RSU1: variants seen among roughly 807,000 people sequenced by gnomAD.
RSU1 encodes the protein Ras suppressor protein 1, also known as rsu-1.
A neutral mutation model predicts 31.1 loss-of-function variants in RSU1; 26 were observed. The ratio of observed to expected loss-of-function variants is 0.84; its 90% CI spans 0.61 to 1.16. The LOEUF (loss-of-function observed/expected upper bound fraction) is 1.16. Among genes scored for constraint, RSU1 ranks in the 50% most tolerant of loss-of-function variants. RSU1 has a pLI of 0.00. For missense variants in RSU1, 320 were observed against 339.1 expected, an observed-to-expected ratio of 0.94 and a Z score of 0.44; for synonymous variants, 164 against 136.3, an observed-to-expected ratio of 1.20 and a Z score of -1.41.
At chr10:16,817,238 A>G in intron 1 of RSU1, 77 bp downstream of exon 1, 5 of 388,348 alleles carry the variant, frequency 1.3e-5, no homozygotes, top group Admixed American at 5.1e-5. Flanking sequence ...CGGGGAGGGG[A>G]TGGAGTGGGA....
intron 8 of RSU1, among the ~76,000 whole-genome samples, chr10:16,622,401 G>A (rs928254085): frequency 6.6e-6 from 1 of 152,142 alleles, no homozygotes; most frequent in Non-Finnish European, 1.5e-5. Context: ...TTAGGGAAGC[G>A]TTCTAAAGAG....
chr10:16,804,674 G>A (rs558660872), intron 2 of RSU1, among the ~76,000 whole-genome samples: 6 of 152,250 alleles, frequency 3.9e-5, no homozygotes, highest in Admixed American at 1.3e-4. Context: ...AAGACATGGC[G>A]GAATCTTAAA....
chr10:16,696,597 C>T (rs193000781), intron 7 of RSU1, among the ~76,000 whole-genome samples: 10 of 152,296 alleles, frequency 6.6e-5, no homozygotes, highest in Non-Finnish European at 1.3e-4. Flanking sequence ...TTTGTTGGCG[C>T]TTGGTACAAA....
intron 8 of RSU1, among the ~76,000 whole-genome samples, chr10:16,645,885 TACATATATGTATATAC>T (rs1166629148): frequency 1.0e-5 from 1 of 98,664 alleles, no homozygotes; most frequent in Non-Finnish European, 1.9e-5. Context: ...TATGTGTATA[TACATATATGTATATAC>T]ACATATATGT....
At chr10:16,654,953 A>C (rs2131519650) in intron 8 of RSU1, among the ~76,000 whole-genome samples, 1 of 150,416 alleles carries the variant, frequency 6.6e-6, no homozygotes, top group Admixed American at 6.6e-5. Flanking sequence ...AGCCCTAGCT[A>C]CTCAGGAGGC....
chr10:16,668,215 A>G (rs1835037081), intron 8 of RSU1, among the ~76,000 whole-genome samples: 1 of 152,196 alleles, frequency 6.6e-6, no homozygotes, highest in Non-Finnish European at 1.5e-5. Flanking sequence ...GTATTCAATG[A>G]ACATTAGATG....
intron 8 of RSU1, among the ~76,000 whole-genome samples, chr10:16,693,108 G>C (rs1271206802): frequency 2.0e-5 from 3 of 152,128 alleles, no homozygotes; most frequent in African/African-American, 7.2e-5. Context: ...GATTACAGGT[G>C]CCCCTCCACC....
chr10:16,627,759 A>G (rs1346478780), intron 8 of RSU1, among the ~76,000 whole-genome samples: 7 of 138,320 alleles, frequency 5.1e-5, no homozygotes, highest in African/African-American at 8.4e-5. Context: ...CTCCATCTCA[A>G]TACAAAAAAA....
chr10:16,604,601 T>C (rs1833770507), intron 8 of RSU1, among the ~76,000 whole-genome samples: 2 of 152,156 alleles, frequency 1.3e-5, no homozygotes, highest in Non-Finnish European at 2.9e-5. Context: ...CCCATCACTA[T>C]TCACTCTGCC....
At chr10:16,724,575 A>G (rs1588495145) in intron 7 of RSU1, among the ~76,000 whole-genome samples, 1 of 152,238 alleles carries the variant, frequency 6.6e-6, no homozygotes, top group East Asian at 1.9e-4. Flanking sequence ...AGCAGTGGGT[A>G]TCCCCAGAGA....
chr10:16,675,200 CAAAAAAAAA>C (rs4012468), intron 8 of RSU1, among the ~76,000 whole-genome samples: 2 of 95,506 alleles, frequency 2.1e-5, no homozygotes, highest in East Asian at 5.3e-4. Context: ...GACTCTGTCT[CAAAAAAAAA>C]AAAAAAAAGA....
rs570243450 is a variant in RSU1 at position 16,794,276 on chromosome 10, G to T, written c.110-12192C>A. Among the ~76,000 whole-genome samples the T allele has an allele frequency of 1.7e-4, 26 of 152,210 alleles. 1 individual carries two copies. The East Asian group carries it at 2.1e-3, about 12-fold the overall frequency. Reference sequence around the variant, plus strand: ...AAATCTCCATATATATATTGCCTATGGATTCTGTTTCTCTGGAGAACTCTG... The same window carrying T: ...AAATCTCCATATATATATTGCCTATTGATTCTGTTTCTCTGGAGAACTCTG... On this transcript the variant is annotated intron_variant, in intron 2 of 8. Coordinates refer to ENST00000345264, the MANE Select transcript of RSU1 (RefSeq NM_012425.4).
chr10:16,762,968 G>A (rs1281140344), intron 4 of RSU1, among the ~76,000 whole-genome samples: 2 of 150,336 alleles, frequency 1.3e-5, no homozygotes, highest in African/African-American at 2.5e-5. Flanking sequence ...AGCCCAGATC[G>A]CCTGGTGACA....
At chr10:16,777,381 A>T (rs544801808) in intron 3 of RSU1, among the ~76,000 whole-genome samples, 5 of 152,334 alleles carry the variant, frequency 3.3e-5, no homozygotes, top group Non-Finnish European at 7.3e-5. Flanking sequence ...TAGCCATAAT[A>T]AACACTAAAA....
intron 8 of RSU1, among the ~76,000 whole-genome samples, chr10:16,659,604 G>T (rs561435853): frequency 6.6e-6 from 1 of 152,088 alleles, no homozygotes; most frequent in Non-Finnish European, 1.5e-5. Context: ...CTCTTTGTCT[G>T]TAACTACACT....
intron 7 of RSU1, among the ~76,000 whole-genome samples, chr10:16,734,421 G>C (rs1459612146): frequency 6.6e-6 from 1 of 152,222 alleles, no homozygotes; most frequent in Non-Finnish European, 1.5e-5. Context: ...CCAGTCAGTG[G>C]ATGGAACCTA....
chr10:16,672,914 A>G (rs1835138810), intron 8 of RSU1, among the ~76,000 whole-genome samples: 1 of 152,244 alleles, frequency 6.6e-6, no homozygotes, highest in African/African-American at 2.4e-5. Flanking sequence ...TGTTAAAAGA[A>G]AAACAAATCT....
chr10:16,652,651 T>C (rs1418929423), intron 8 of RSU1, among the ~76,000 whole-genome samples: 6 of 152,178 alleles, frequency 3.9e-5, no homozygotes, highest in Non-Finnish European at 8.8e-5. Flanking sequence ...TAAGTTTATT[T>C]GAATGTATTA....
At chr10:16,641,554 T>C (rs1256761524) in intron 8 of RSU1, among the ~76,000 whole-genome samples, 2 of 151,800 alleles carry the variant, frequency 1.3e-5, no homozygotes, top group African/African-American at 4.8e-5. Context: ...GCATATGGAA[T>C]TGGTTGTTGT....
Sources: allele counts gnomAD v4.1 joint callset (sites outside exome capture counted in the v4.1 genomes callset), GRCh38; gene constraint gnomAD v4.1.1; transcripts MANE v1.5; gene names NCBI Gene and HGNC (gene_info 2026-07-23, HGNC 2026-07-21).